RAD51B: variants seen among roughly 807,000 people sequenced by gnomAD.
RAD51B encodes the protein RAD51 paralog B.
Under a neutral mutation model 42.2 loss-of-function variants are expected in RAD51B, and 38 were observed. The ratio of observed to expected loss-of-function variants is 0.90; its 90% CI spans 0.70 to 1.18. The LOEUF (loss-of-function observed/expected upper bound fraction) is 1.18. Among genes scored for constraint, RAD51B ranks in the 50% most tolerant of loss-of-function variants. The probability of loss-of-function intolerance (pLI) is 0.00; values close to 1 mark genes in which losing one functional copy is unlikely to be tolerated. For synonymous variants in RAD51B, 154 were observed against 145.2 expected, an observed-to-expected ratio of 1.06 and a Z score of -0.43; for missense variants, 373 against 400.7, an observed-to-expected ratio of 0.93 and a Z score of 0.59.
intron 7 of RAD51B, among the ~76,000 whole-genome samples, chr14:68,156,496 T>TCTCTCTC (rs2078514069): frequency 6.8e-6 from 1 of 147,630 alleles, no homozygotes; most frequent in African/African-American, 2.5e-5. Flanking sequence ...TCTCTCTCTC[T>TCTCTCTC]GCCTTTATGA....
chr14:68,575,301 C>G (rs1169433875), intron 10 of RAD51B, among the ~76,000 whole-genome samples: 1 of 152,198 alleles, frequency 6.6e-6, no homozygotes, highest in Non-Finnish European at 1.5e-5. Flanking sequence ...CTCATAGCTT[C>G]TAAATGGTAG....
intron 7 of RAD51B, among the ~76,000 whole-genome samples, chr14:68,123,094 T>C (rs950462752): frequency 6.6e-6 from 1 of 152,248 alleles, no homozygotes; most frequent in Non-Finnish European, 1.5e-5. Context: ...CAAATCCTTT[T>C]ATGTTTTATC....
chr14:68,669,392 C>T (rs1350054258), intron 11 of RAD51B, among the ~76,000 whole-genome samples: 5 of 152,212 alleles, frequency 3.3e-5, no homozygotes, highest in Non-Finnish European at 7.3e-5. Flanking sequence ...TCTAGAGAGG[C>T]CTGAGGCTGC....
At chr14:67,861,489 G>A (rs1180109112) in intron 4 of RAD51B, among the ~76,000 whole-genome samples, 2 of 150,256 alleles carry the variant, frequency 1.3e-5, no homozygotes, top group African/African-American at 2.4e-5. Context: ...AAAAAAAGCT[G>A]GGCATGTGTG....
chr14:68,135,451 C>T (rs1278630722), intron 7 of RAD51B, among the ~76,000 whole-genome samples: 1 of 152,184 alleles, frequency 6.6e-6, no homozygotes, highest in Non-Finnish European at 1.5e-5. Context: ...TCCAGAAATA[C>T]TGCACACCTA....
rs548994765 is a variant in RAD51B at position 68,473,002 on chromosome 14, T to C, written c.1037-4646T>C. 3.3e-5 allele frequency among the ~76,000 whole-genome samples: 5 copies of C among 152,338 alleles called. No individual in the cohort carries two copies. In the South Asian group the frequency reaches 1.0e-3, roughly 32 times the overall value. Reference sequence around the variant, plus strand: ...GTTAAGTTTTCCCACCCCATTTTTTTAGTCACTGAGCCAGCTGGATGATTT... The same window carrying C: ...GTTAAGTTTTCCCACCCCATTTTTTCAGTCACTGAGCCAGCTGGATGATTT... On this transcript the variant is annotated intron_variant, in intron 10 of 10. Transcript: ENST00000471583.
intron 7 of RAD51B, among the ~76,000 whole-genome samples, chr14:68,054,920 A>AGT (rs2076449944): frequency 6.6e-6 from 1 of 152,158 alleles, no homozygotes. Flanking sequence ...ATTAAACTGA[A>AGT]GTAGTGGACA....
rs549708695 is a variant in RAD51B, at chr14:68,155,766, G to T, written c.757-136118G>T. Among the ~76,000 whole-genome samples the T allele has an allele frequency of 3.3e-5, 5 of 152,336 alleles. No homozygotes were observed. The South Asian group carries it at 1.0e-3, about 32-fold the overall frequency. On this transcript the variant is annotated intron_variant, in intron 7 of 10. Transcript: ENST00000471583. ...TAGAAAAGTTCATGGGTAAAGAGCA[G>T]TAGCTAGAATGCAAATGTGAATCCA...
At chr14:68,597,562 G>A (rs1891053517), downstream of RAD51B, among the ~76,000 whole-genome samples, 1 of 152,116 alleles carries the variant, frequency 6.6e-6, no homozygotes, top group Non-Finnish European at 1.5e-5. Flanking sequence ...AATACCACAT[G>A]TTCTTACTTG....
chr14:68,416,511 C>T (rs1360619310), intron 9 of RAD51B, among the ~76,000 whole-genome samples: 2 of 152,172 alleles, frequency 1.3e-5, no homozygotes, highest in Admixed American at 6.5e-5. Flanking sequence ...AAAAGAAATG[C>T]ACTCCCTGTA....
intron 2 of RAD51B, among the ~76,000 whole-genome samples, chr14:67,824,550 G>A (rs2040745387): frequency 6.6e-6 from 1 of 152,042 alleles, no homozygotes; most frequent in Non-Finnish European, 1.5e-5. Flanking sequence ...GAGCCACCGT[G>A]CCTGGCCTGA....
chr14:68,305,277 T>A (rs2081836483), intron 8 of RAD51B, among the ~76,000 whole-genome samples: 2 of 152,218 alleles, frequency 1.3e-5, no homozygotes, highest in Admixed American at 1.3e-4. Context: ...ACACGTTAAG[T>A]ATGAAGCATC....
intron 7 of RAD51B, among the ~76,000 whole-genome samples, chr14:68,062,468 G>A (rs926258214): frequency 6.6e-5 from 10 of 152,072 alleles, no homozygotes; most frequent in African/African-American, 2.4e-4. Flanking sequence ...CAGAAGAATT[G>A]GTGTTAGTTC....
chr14:68,298,270 A>T (rs960806135), intron 8 of RAD51B, among the ~76,000 whole-genome samples: 10 of 152,318 alleles, frequency 6.6e-5, no homozygotes, highest in Non-Finnish European at 1.5e-5. Context: ...AGGGAGAGGA[A>T]TGTGTTGAGG....
At chr14:67,858,404 T>G (rs1382683030) in intron 4 of RAD51B, among the ~76,000 whole-genome samples, 1 of 152,148 alleles carries the variant, frequency 6.6e-6, no homozygotes. Context: ...GGTCATCTCT[T>G]CCCCGAAGTC....
At chr14:68,399,163 A>AT (rs1336513760) in intron 8 of RAD51B, among the ~76,000 whole-genome samples, 3 of 151,840 alleles carry the variant, frequency 2.0e-5, no homozygotes, top group East Asian at 1.9e-4. Flanking sequence ...TTTCCCACTA[A>AT]TTTTTTTGGG....
chr14:68,596,746 T>C (rs1891013213), downstream of RAD51B, among the ~76,000 whole-genome samples: 1 of 152,234 alleles, frequency 6.6e-6, no homozygotes, highest in African/African-American at 2.4e-5. Flanking sequence ...CTCATCACCA[T>C]CTCCTACAGA....
At chr14:67,907,137 C>A (rs1034813238) in intron 7 of RAD51B, among the ~76,000 whole-genome samples, 2 of 152,008 alleles carry the variant, frequency 1.3e-5, no homozygotes, top group East Asian at 3.9e-4. Context: ...ACTTATTAGT[C>A]TACCTAGTGG....
chr14:68,187,226 G>A (rs1472176988), intron 7 of RAD51B, among the ~76,000 whole-genome samples: 1 of 152,204 alleles, frequency 6.6e-6, no homozygotes, highest in African/African-American at 2.4e-5. Flanking sequence ...AGGAATTGGG[G>A]AGAAGGGTTG....
Sources: allele counts gnomAD v4.1 joint callset (sites outside exome capture counted in the v4.1 genomes callset), GRCh38; gene constraint gnomAD v4.1.1; transcripts MANE v1.5; gene names NCBI Gene and HGNC (gene_info 2026-07-23, HGNC 2026-07-21).